Variants in TXNDC16 observed in about 807,000 individuals in gnomAD.
The protein encoded by TXNDC16 is thioredoxin domain-containing protein 16.
TXNDC16 carries 74 observed loss-of-function variants against 85.6 expected under a neutral mutation model. The ratio of observed to expected loss-of-function variants is 0.86; its 90% confidence interval spans 0.72 to 1.05. The LOEUF (loss-of-function observed/expected upper bound fraction) is 1.05. Among genes scored for constraint, TXNDC16 ranks in the 50% least tolerant of loss-of-function variants. TXNDC16 has a pLI of 0.00. For missense variants in TXNDC16, 959 were observed against 947.0 expected, an observed-to-expected ratio of 1.01 and a Z score of -0.17; for synonymous variants, 335 against 326.5, an observed-to-expected ratio of 1.03 and a Z score of -0.28.
chr14:52,459,824 T>C (rs996635208), intron 16 of TXNDC16, among the ~76,000 whole-genome samples: 3 of 152,222 alleles, frequency 2.0e-5, no homozygotes, highest in Non-Finnish European at 4.4e-5. Flanking sequence ...ATCACATGAT[T>C]ATCTCAGTAG....
intron 1 of TXNDC16, among the ~76,000 whole-genome samples, chr14:52,548,263 C>T (rs2037979252): frequency 6.6e-6 from 1 of 152,172 alleles, no homozygotes; most frequent in Admixed American, 6.5e-5. Flanking sequence ...GGGTCGGGGG[C>T]TCCTTGCTTC....
rs754654754 is a variant in TXNDC16 at position 52,440,698 on chromosome 14, G to A, written c.1869C>T (p.Pro623=). ...MFPEITVENL[P]SYFRLQKPLL... ...ATGGTTTCTGAAGTCTGAAATAACT[G>A]GGAAGATTTTCCACAGTGATTTCCG... The change falls in exon 19 of 21, where the codon CCC becomes CCT. Residue 623 remains proline (P), a synonymous_variant. Coordinates refer to ENST00000281741, the MANE Select transcript of TXNDC16 (RefSeq NM_020784.3). 1 of 1,605,780 alleles carries A rather than the reference G, an allele frequency of 6.2e-7. No individual in the cohort carries two copies. The highest frequency in any genetic ancestry group is 8.5e-7 in the Non-Finnish European group (1 of 1,177,854).
At chr14:52,512,120 T>C (rs879620870) in intron 8 of TXNDC16, among the ~76,000 whole-genome samples, 1 of 152,166 alleles carries the variant, frequency 6.6e-6, no homozygotes, top group Non-Finnish European at 1.5e-5. Context: ...GCTGACAAGG[T>C]TCACTGATTT....
intron 11 of TXNDC16, among the ~76,000 whole-genome samples, chr14:52,489,686 T>C (rs1310529630): frequency 6.6e-6 from 1 of 152,182 alleles, no homozygotes; most frequent in Non-Finnish European, 1.5e-5. Context: ...TTTTACAAAG[T>C]GGACACACTT....
chr14:52,520,269 C>T (rs565739196), intron 6 of TXNDC16, among the ~76,000 whole-genome samples: 6 of 152,306 alleles, frequency 3.9e-5, no homozygotes, highest in Admixed American at 2.6e-4. Flanking sequence ...CCGAATCATC[C>T]TTTCAGTGTA....
rs1250254241 is a variant in TXNDC16, at chr14:52,490,920, G to A, written c.842C>T (p.Ala281Val). The A allele has an allele frequency of 1.2e-6, 2 of 1,612,362 alleles. No homozygotes were observed. The change falls in exon 10 of 21, where the codon GCT becomes GTT. Residue 281 changes from alanine (A) to valine (V), a missense_variant. By Grantham distance (64) the Ala-to-Val change is moderately conservative. Coordinates refer to ENST00000281741, the MANE Select transcript of TXNDC16 (RefSeq NM_020784.3). ...AGTTCTTCTATCAGCTTCATAAGTA[G>A]CCTGTTGGCTAACAATAAAAACCAG... ...LPLVFIVSQQ[A>V]TYEADRRTAE...
chr14:52,440,540 A>G lies in TXNDC16; in HGVS notation c.2003+24T>C, dbSNP rs1189292488. On this transcript the variant is annotated intron_variant, in intron 19 of 20. Transcript: ENST00000281741. The stretch of plus-strand genomic sequence containing the variant: ...TTATTACTTTCTTTACCTCTTACAT[A>G]TTAAAAAATAAACACATACTTACAG... 9 of 1,531,850 alleles carry G rather than the reference A, an allele frequency of 5.9e-6. No homozygotes were observed. In the Admixed American group the frequency reaches 2.0e-4, roughly 34 times the overall value. The allele number at this position is 1,531,850 out of a possible 1,614,324, so 94.9% of individuals were successfully genotyped here.
chr14:52,501,186 A>T (rs2036650341), intron 9 of TXNDC16, among the ~76,000 whole-genome samples: 1 of 152,164 alleles, frequency 6.6e-6, no homozygotes, highest in Non-Finnish European at 1.5e-5. Context: ...TCAAAATGAC[A>T]CACCTCCCAT....
At chr14:52,537,070 TCACACACACACACA>T (rs58583503) in intron 5 of TXNDC16, among the ~76,000 whole-genome samples, 3 of 147,242 alleles carry the variant, frequency 2.0e-5, no homozygotes, top group Non-Finnish European at 4.5e-5. Context: ...CAACTCACAA[TCACACACACACACA>T]CACACACACA....
rs1158981798 is a variant in TXNDC16, at chr14:52,526,907, C to CAAA, written c.393-7617_393-7615dup. On this transcript the variant is annotated intron_variant, in intron 6 of 20. Transcript: ENST00000281741. ...ACATAACAAAGCCTCCATAAAACCG[C>CAAA]AAAGGGAGAGGGCTTGAAGAGCTTC... Among the ~76,000 whole-genome samples the CAAA allele has an allele frequency of 0.014, 2,125 of 152,284 alleles. 104 individuals are homozygous for CAAA. The East Asian group carries it at 0.16, about 12-fold the overall frequency.
intron 9 of TXNDC16, among the ~76,000 whole-genome samples, chr14:52,508,650 A>G (rs1479788460): frequency 6.6e-6 from 1 of 152,204 alleles, no homozygotes; most frequent in Non-Finnish European, 1.5e-5. Flanking sequence ...ACAATAGCAA[A>G]GACTTGGAAC....
intron 6 of TXNDC16, among the ~76,000 whole-genome samples, chr14:52,529,851 C>T (rs1313983289): frequency 9.9e-6 from 1 of 100,546 alleles, no homozygotes; most frequent in Non-Finnish European, 1.8e-5. Context: ...TAATAAATAC[C>T]TATTATATAT....
intron 11 of TXNDC16, 78 bp from the exon 12 acceptor site, chr14:52,488,564 G>GA: frequency 3.3e-6 from 4 of 1,219,782 alleles, no homozygotes; most frequent in Non-Finnish European, 4.5e-6. Flanking sequence ...GGCCAGGTGT[G>GA]GTGGCTCACA....
At chr14:52,531,089 A>T (rs4901283) in intron 6 of TXNDC16, among the ~76,000 whole-genome samples, 75,628 of 151,824 alleles carry the variant, frequency 0.5, 19,543 homozygotes, top group East Asian at 0.7. Context: ...CCACATCATA[A>T]GTCATCAGGG....
intron 1 of TXNDC16, among the ~76,000 whole-genome samples, chr14:52,545,052 A>G (rs2037914094): frequency 6.6e-6 from 1 of 152,166 alleles, no homozygotes. Context: ...GGCTAAGAGA[A>G]TAACTATGTA....
At chr14:52,496,122 T>C (rs1351176736) in intron 9 of TXNDC16, among the ~76,000 whole-genome samples, 1 of 150,588 alleles carries the variant, frequency 6.6e-6, no homozygotes, top group East Asian at 2.0e-4. Flanking sequence ...ATCGCTCCGC[T>C]GCACTCCAGC....
At chr14:52,550,177 A>G (rs2038016801) in intron 1 of TXNDC16, among the ~76,000 whole-genome samples, 1 of 152,230 alleles carries the variant, frequency 6.6e-6, no homozygotes, top group South Asian at 2.1e-4. Flanking sequence ...AACTGTAACT[A>G]TTAAATAAAT....
intron 14 of TXNDC16, among the ~76,000 whole-genome samples, chr14:52,474,357 C>A (rs1052813868): frequency 6.6e-6 from 1 of 152,148 alleles, no homozygotes; most frequent in African/African-American, 2.4e-5. Flanking sequence ...GCTAGAGAAT[C>A]TAAAAGAAGA....
intron 4 of TXNDC16, among the ~76,000 whole-genome samples, chr14:52,541,993 C>T (rs1385860608): frequency 3.3e-5 from 5 of 152,124 alleles, no homozygotes; most frequent in African/African-American, 1.2e-4. Flanking sequence ...TTTGTTACTT[C>T]AGTTTGTGCT....
Sources: allele counts gnomAD v4.1 joint callset (sites outside exome capture counted in the v4.1 genomes callset), GRCh38; gene constraint gnomAD v4.1.1; transcripts MANE v1.5; gene names NCBI Gene and HGNC (gene_info 2026-07-23, HGNC 2026-07-21).